The following PIH1D2 variants were observed in gnomAD, a reference collection of about 807,000 sequenced individuals.
The protein encoded by PIH1D2 is PIH1 domain containing 2, also known as PIH1 domain-containing protein 2.
Under a neutral mutation model 31.2 loss-of-function variants are expected in PIH1D2, and 25 were observed. The ratio of observed to expected loss-of-function variants is 0.80; its 90% CI spans 0.58 to 1.12. The LOEUF is 1.12. PIH1D2 is among the 50% of genes most tolerant of loss of function. PIH1D2 has a pLI of 0.00. For missense variants in PIH1D2, 310 were observed against 356.6 expected, an observed-to-expected ratio of 0.87 and a Z score of 1.05; for synonymous variants, 116 against 119.9, an observed-to-expected ratio of 0.97 and a Z score of 0.21.
chr11:112,055,332 C>T, the PIH1D2 span, among the ~76,000 whole-genome samples: 29 of 150,868 alleles, frequency 1.9e-4, no homozygotes, highest in African/African-American at 6.6e-4. Context: ...CAACCTCCGC[C>T]TCGTGGGTTC....
At chr11:112,072,842 G>T in intron 2 of PIH1D2, 156 bp downstream of exon 2, 1 of 834,880 alleles carries the variant, frequency 1.2e-6, no homozygotes, top group Non-Finnish European at 1.7e-6. Flanking sequence ...CCAGCCTGGT[G>T]ACAAAGTAAG....
intron 5 of PIH1D2, 54 bp from the exon 6 acceptor site, chr11:112,068,059 C>G (rs1864994703): frequency 1.6e-6 from 2 of 1,241,956 alleles, no homozygotes; most frequent in African/African-American, 3.0e-5. Flanking sequence ...GGGATACTAA[C>G]TTATTGTTCC....
downstream of PIH1D2, among the ~76,000 whole-genome samples, chr11:112,064,729 TAGG>T (rs1272729617): frequency 5.9e-5 from 9 of 151,920 alleles, no homozygotes; most frequent in Non-Finnish European, 1.0e-4. Flanking sequence ...ATTAGAGAGA[TAGG>T]AGGAATGTTC....
chr11:112,064,784 A>AT (rs1864850439), downstream of PIH1D2, among the ~76,000 whole-genome samples: 1 of 152,104 alleles, frequency 6.6e-6, no homozygotes, highest in Non-Finnish European at 1.5e-5. Flanking sequence ...TGGGGAAATC[A>AT]TCATCACTAC....
chr11:112,055,614 C>G, the PIH1D2 span, among the ~76,000 whole-genome samples: 462 of 152,164 alleles, frequency 3.0e-3, 15 homozygotes, highest in East Asian at 0.066. Flanking sequence ...GCCACTGTTA[C>G]TGAACATACC....
At chr11:112,063,292 AAC>A (rs1393320355), downstream of PIH1D2, 1 of 152,222 alleles carries the variant, frequency 6.6e-6, no homozygotes, top group Non-Finnish European at 1.5e-5. Context: ...CCAAAAAAGA[AAC>A]ATTGTTAATA....
chr11:112,071,983 C>T (rs1555184738), intron 2 of PIH1D2, among the ~76,000 whole-genome samples: 2 of 152,154 alleles, frequency 1.3e-5, no homozygotes, highest in African/African-American at 4.8e-5. Flanking sequence ...ATCCCAGCTA[C>T]TCGGGAGGCT....
chr11:112,065,996 A>C (rs551945), downstream of PIH1D2, among the ~76,000 whole-genome samples: 1 of 144,738 alleles, frequency 6.9e-6, no homozygotes, highest in Non-Finnish European at 1.5e-5. Flanking sequence ...AGACTCTGTC[A>C]AAAAAAAAAA....
chr11:112,065,891 G>C (rs1864906268), downstream of PIH1D2, among the ~76,000 whole-genome samples: 1 of 152,048 alleles, frequency 6.6e-6, no homozygotes, highest in Non-Finnish European at 1.5e-5. Flanking sequence ...TGAGGCAGGA[G>C]AATCACTTGA....
downstream of PIH1D2, among the ~76,000 whole-genome samples, chr11:112,059,560 CTT>C (rs1555182960): frequency 1.3e-5 from 2 of 152,018 alleles, no homozygotes; most frequent in African/African-American, 4.8e-5. Flanking sequence ...GCCCAGCTAA[CTT>C]TTGTATTTTT....
chr11:112,073,374 A>G lies in PIH1D2; in HGVS notation c.-31-169T>C, dbSNP rs530379723. Among the ~76,000 whole-genome samples the G allele has an allele frequency of 2.6e-5, 4 of 152,248 alleles. No individual in the cohort carries two copies. The East Asian group carries it at 7.7e-4, about 29-fold the overall frequency. On this transcript the variant is annotated intron_variant, in intron 1 of 5. Coordinates refer to ENST00000280350, the MANE Select transcript of PIH1D2 (RefSeq NM_138789.4). The stretch of plus-strand genomic sequence containing the variant: ...TTTATGTTTTCCTTATTCTTTAATT[A>G]TCTAGTACCTCTTCCTAAATTCTCA...
downstream of PIH1D2, among the ~76,000 whole-genome samples, chr11:112,067,403 C>A (rs587688887): frequency 6.6e-6 from 1 of 151,060 alleles, no homozygotes; most frequent in South Asian, 2.1e-4. Context: ...GTGTCTCATG[C>A]CTGTAATCCC....
downstream of PIH1D2, chr11:112,062,613 T>C (rs1156495805): frequency 5.3e-6 from 8 of 1,497,540 alleles, no homozygotes; most frequent in Admixed American, 1.8e-5. Flanking sequence ...ATTAAACAGG[T>C]GGTTCTTTTT....
At chr11:112,060,577 C>G (rs782446203), downstream of PIH1D2, among the ~76,000 whole-genome samples, 10 of 152,136 alleles carry the variant, frequency 6.6e-5, no homozygotes, top group South Asian at 2.1e-3. Flanking sequence ...ACCTCTGCCT[C>G]CTGAGTAGCT....
downstream of PIH1D2, among the ~76,000 whole-genome samples, chr11:112,066,548 G>GA (rs1864932811): frequency 6.6e-6 from 1 of 151,114 alleles, no homozygotes; most frequent in African/African-American, 2.4e-5. Context: ...TGAGGCAGGA[G>GA]AAACGCTTGA....
At chr11:112,070,950 A>G (rs781786848) in intron 4 of PIH1D2, 88 bp downstream of exon 4, 1 of 1,419,722 alleles carries the variant, frequency 7.0e-7, no homozygotes, top group Admixed American at 2.5e-5. Flanking sequence ...TCACCTTTTA[A>G]AATAGAGATT....
downstream of PIH1D2, among the ~76,000 whole-genome samples, chr11:112,060,645 T>C (rs1864536245): frequency 1.3e-5 from 2 of 152,066 alleles, no homozygotes. Context: ...TGTATGTTTT[T>C]AGTAGTGTCG....
At position 112,067,953 on chromosome 11, in the gene PIH1D2, G is replaced by A. The variant is rs1339249778; in HGVS notation, c.866C>T (p.Pro289Leu). The A allele has an allele frequency of 6.2e-7, 1 of 1,606,624 alleles. No homozygotes were observed. The highest frequency in any genetic ancestry group is 1.3e-5 in the African/African-American group (1 of 74,482). ...SEKYRLHLNL[P>L]KLIDTEMTTA... ...GGTCATTTCAGTATCAATAAGTTTT[G>A]GAAGATTCAGATGTAATCTGTACTT... Residue 289 changes from proline to leucine, a missense_variant, in exon 6 of 6, where the codon CCA (proline) becomes CTA (leucine). Transcript: ENST00000280350.
rs1031275434 is a variant in PIH1D2 at position 112,072,912 on chromosome 11, G to A, written c.177+86C>T. Reference sequence around the variant, plus strand: ...AACAAAAAAAAAACAAAAAAAATTAGCAATACCTAAGTGTAAAGTATTCTC... The same window carrying A: ...AACAAAAAAAAAACAAAAAAAATTAACAATACCTAAGTGTAAAGTATTCTC... On this transcript the variant is annotated intron_variant, in intron 2 of 5. Transcript: ENST00000280350. 52 of 1,177,714 alleles carry A rather than the reference G, an allele frequency of 4.4e-5. 1 individual carries two copies. The Middle Eastern group carries it at 9.5e-4, about 22-fold the overall frequency. 73.0% of individuals were successfully genotyped at this position (1,177,714 alleles called of 1,614,324 possible).
Sources: gnomAD v4.1 joint callset for allele counts (sites outside exome capture counted in the v4.1 genomes callset) on GRCh38, gnomAD v4.1.1 for gene constraint, MANE v1.5 for transcripts, NCBI Gene and HGNC (gene_info 2026-07-23, HGNC 2026-07-21) for gene names.